The following SOX5 variants were observed in gnomAD, a reference collection of about 807,000 sequenced individuals.
SOX5 encodes the protein SRY-box transcription factor 5.
SOX5 carries 9 observed loss-of-function variants against 92.0 expected under a neutral mutation model. That is an observed-to-expected ratio of 0.10 (90% CI 0.06 to 0.17). The LOEUF (loss-of-function observed/expected upper bound fraction) is 0.17. Ranked by LOEUF, SOX5 falls within the 10% of genes least tolerant of loss-of-function variation. The pLI, the probability that SOX5 is intolerant of heterozygous loss-of-function variation, is 1.00. For synonymous variants in SOX5, 344 were observed against 336.3 expected, an observed-to-expected ratio of 1.02 and a Z score of -0.25; for missense variants, 642 against 944.5, an observed-to-expected ratio of 0.68 and a Z score of 4.20.
chr12:23,667,774 T>C (rs2084058932), intron 6 of SOX5, among the ~76,000 whole-genome samples: 1 of 152,222 alleles, frequency 6.6e-6, no homozygotes. Context: ...GATTGGTTTT[T>C]ATTAGACCAT....
At chr12:23,881,463 C>A (rs1207966085) in intron 2 of SOX5, among the ~76,000 whole-genome samples, 1 of 152,154 alleles carries the variant, frequency 6.6e-6, no homozygotes, top group African/African-American at 2.4e-5. Flanking sequence ...ACAATACACA[C>A]CCTCTCACAA....
At chr12:24,473,627 CAT>C in intron 1 of SOX5, among the ~76,000 whole-genome samples, 2 of 152,314 alleles carry the variant, frequency 1.3e-5, no homozygotes, top group Admixed American at 1.3e-4. Context: ...ACAACCAAAA[CAT>C]ATAGTTCAAT....
chr12:24,028,082 A>C (rs1020676576), intron 4 of SOX5, among the ~76,000 whole-genome samples: 1 of 152,096 alleles, frequency 6.6e-6, no homozygotes, highest in South Asian at 2.1e-4. Context: ...TCTGTGGTTT[A>C]GGGTGCAGGG....
intron 6 of SOX5, among the ~76,000 whole-genome samples, chr12:23,667,764 G>T (rs2084055145): frequency 6.6e-6 from 1 of 152,192 alleles, no homozygotes; most frequent in African/African-American, 2.4e-5. Flanking sequence ...CAGTCCCAGT[G>T]ATTGGTTTTT....
rs547554539 is a variant in SOX5 at position 24,167,930 on chromosome 12, A to G, written c.-2+45413T>C. Among the ~76,000 whole-genome samples, 42 of 152,278 alleles carry G rather than the reference A, an allele frequency of 2.8e-4. 1 individual carries two copies. The highest frequency in any genetic ancestry group is 3.4e-3 in the Middle Eastern group (1 of 294). On this transcript the variant is annotated intron_variant, in intron 4 of 4. Transcript: ENST00000446891. ...AAACCCAGACATTTGCTGGTTCCTC[A>G]ACGTTCTCACTGCCATCTGGCCCCC...
At chr12:24,516,586 T>C (rs1339062238) in intron 1 of SOX5, among the ~76,000 whole-genome samples, 1 of 152,238 alleles carries the variant, frequency 6.6e-6, no homozygotes, top group African/African-American at 2.4e-5. Flanking sequence ...CTGTCTTTGA[T>C]ACTTACCCCT....
chr12:23,966,203 CAAAAAAAAAAAAAAAAAAAAAAAAAA>C (rs869143890), intron 4 of SOX5, among the ~76,000 whole-genome samples: 2 of 57,336 alleles, frequency 3.5e-5, no homozygotes, highest in East Asian at 9.0e-4. Context: ...ACTCAATATC[CAAAAAAAAAAAAAAAAAAAAAAAAAA>C]AAAAAAAAAA....
intron 1 of SOX5, among the ~76,000 whole-genome samples, chr12:24,376,689 CCTTTTTTTTTT>C (rs1442431761): frequency 1.1e-5 from 1 of 93,084 alleles, no homozygotes; most frequent in African/African-American, 4.1e-5. Context: ...GGGAGAGATA[CCTTTTTTTTTT>C]TTTTTTTTTT....
chr12:23,943,112 T>C (rs1349235138), intron 1 of SOX5, among the ~76,000 whole-genome samples: 1 of 152,064 alleles, frequency 6.6e-6, no homozygotes, highest in African/African-American at 2.4e-5. Context: ...GAATGAGACA[T>C]GGTTTACTAG....
intron 4 of SOX5, among the ~76,000 whole-genome samples, chr12:24,189,439 T>TG (rs1956314927): frequency 6.6e-6 from 1 of 152,202 alleles, no homozygotes; most frequent in African/African-American, 2.4e-5. Context: ...TGATTTCAAA[T>TG]ATCAACTCTA....
chr12:23,892,401 G>A (rs2097138075), intron 2 of SOX5, among the ~76,000 whole-genome samples: 1 of 152,170 alleles, frequency 6.6e-6, no homozygotes. Context: ...GTCCACAGTA[G>A]GATGTGTTAA....
chr12:23,732,743 A>G (rs2093437179), intron 6 of SOX5, among the ~76,000 whole-genome samples: 1 of 152,158 alleles, frequency 6.6e-6, no homozygotes, highest in Non-Finnish European at 1.5e-5. Flanking sequence ...TAAAATTCTC[A>G]TACTCCACAA....
chr12:24,293,262 C>T (rs1241582166), intron 2 of SOX5, among the ~76,000 whole-genome samples: 18 of 152,196 alleles, frequency 1.2e-4, no homozygotes, highest in Admixed American at 1.2e-3. Flanking sequence ...CTAACAAAAA[C>T]ATATGCCCAC....
At chr12:23,724,635 G>T (rs936354575) in intron 6 of SOX5, among the ~76,000 whole-genome samples, 5 of 152,032 alleles carry the variant, frequency 3.3e-5, no homozygotes, top group African/African-American at 1.2e-4. Flanking sequence ...GTTTGATAGG[G>T]TTACAAATCC....
At chr12:24,353,943 C>T (rs1433249862) in intron 2 of SOX5, among the ~76,000 whole-genome samples, 1 of 152,170 alleles carries the variant, frequency 6.6e-6, no homozygotes, top group Middle Eastern at 3.2e-3. Flanking sequence ...CCGGCCACCT[C>T]ATTATTCTCA....
At chr12:24,064,405 C>T (rs559133609) in intron 4 of SOX5, among the ~76,000 whole-genome samples, 1 of 152,178 alleles carries the variant, frequency 6.6e-6, no homozygotes, top group Non-Finnish European at 1.5e-5. Flanking sequence ...GGCACCCGAT[C>T]AGTTCCATCA....
chr12:23,576,748 G>A (rs1173462825), intron 9 of SOX5, among the ~76,000 whole-genome samples: 1 of 152,066 alleles, frequency 6.6e-6, no homozygotes, highest in African/African-American at 2.4e-5. Flanking sequence ...AAGAATATAA[G>A]AATGAGATAA....
At chr12:24,087,325 T>C (rs7975681) in intron 4 of SOX5, among the ~76,000 whole-genome samples, 78,395 of 151,908 alleles carry the variant, frequency 0.52, 20,575 homozygotes, top group East Asian at 0.74. Context: ...AGATGTAATA[T>C]TTCATTTGTG....
intron 2 of SOX5, among the ~76,000 whole-genome samples, chr12:23,887,917 A>ATGTATGTG (rs1555406690): frequency 6.9e-6 from 1 of 144,664 alleles, no homozygotes; most frequent in East Asian, 2.0e-4. Flanking sequence ...CAGTGTGTAT[A>ATGTATGTG]TGTGTGTGTG....
Sources: allele counts gnomAD v4.1 joint callset (sites outside exome capture counted in the v4.1 genomes callset), GRCh38; gene constraint gnomAD v4.1.1; transcripts MANE v1.5; gene names NCBI Gene and HGNC (gene_info 2026-07-23, HGNC 2026-07-21).